MAD1L1: variants seen among roughly 807,000 people sequenced by gnomAD.
The protein encoded by MAD1L1 is mitotic arrest deficient 1 like 1.
In MAD1L1, 95 loss-of-function variants were observed where a neutral mutation model predicts 96.9. The observed-to-expected ratio is 0.98, with a 90% CI of 0.83 to 1.16. The LOEUF is 1.16. Among genes scored for constraint, MAD1L1 ranks in the 50% most tolerant of loss-of-function variants. The pLI is 0.00. For missense variants in MAD1L1, 1,007 were observed against 954.4 expected, an observed-to-expected ratio of 1.06 and a Z score of -0.73; for synonymous variants, 473 against 396.6, an observed-to-expected ratio of 1.19 and a Z score of -2.29.
chr7:2,140,641 C>A (rs533463763), intron 11 of MAD1L1, among the ~76,000 whole-genome samples: 1 of 152,358 alleles, frequency 6.6e-6, no homozygotes, highest in South Asian at 2.1e-4. Context: ...GAGGCCAGGC[C>A]CCCGCCAGGA....
intron 5 of MAD1L1, among the ~76,000 whole-genome samples, chr7:2,221,427 C>T (rs188528178): frequency 6.6e-6 from 1 of 152,300 alleles, no homozygotes; most frequent in African/African-American, 2.4e-5. Flanking sequence ...ACACGCCTCC[C>T]CAGCACGGCC....
chr7:1,963,875 G>A (rs943491452), intron 15 of MAD1L1, among the ~76,000 whole-genome samples: 21 of 152,226 alleles, frequency 1.4e-4, no homozygotes, highest in Non-Finnish European at 2.6e-4. Context: ...CAGTGTCACC[G>A]TCTCTCGGCA....
intron 13 of MAD1L1, among the ~76,000 whole-genome samples, chr7:2,012,185 C>T (rs569790755): frequency 5.9e-5 from 9 of 152,326 alleles, no homozygotes; most frequent in Admixed American, 3.9e-4. Flanking sequence ...GGTGCCCAAA[C>T]AGTGCCAGCA....
intron 10 of MAD1L1, among the ~76,000 whole-genome samples, chr7:2,155,293 A>G (rs1414092229): frequency 6.6e-6 from 1 of 152,198 alleles, no homozygotes; most frequent in Non-Finnish European, 1.5e-5. Flanking sequence ...CCGTGTTGGG[A>G]TGTTTTTAAT....
chr7:1,829,978 T>TC (rs1429945582), intron 18 of MAD1L1, among the ~76,000 whole-genome samples: 1 of 151,942 alleles, frequency 6.6e-6, no homozygotes, highest in Non-Finnish European at 1.5e-5. Flanking sequence ...TGGAAATATC[T>TC]CCCCCCAAAT....
chr7:1,817,976 G>A (rs1474336459), intron 18 of MAD1L1, among the ~76,000 whole-genome samples: 1 of 151,506 alleles, frequency 6.6e-6, no homozygotes, highest in Non-Finnish European at 1.5e-5. Flanking sequence ...AGCCGTCCCC[G>A]TGCCCTCCCC....
chr7:1,996,205 C>T (rs1354294233), intron 14 of MAD1L1, among the ~76,000 whole-genome samples: 13 of 140,168 alleles, frequency 9.3e-5, no homozygotes, highest in Non-Finnish European at 7.8e-5. Context: ...CCCCCCGGGT[C>T]TACACACGGC....
chr7:2,162,015 T>C (rs902173208), intron 10 of MAD1L1, among the ~76,000 whole-genome samples: 1 of 129,212 alleles, frequency 7.7e-6, no homozygotes, highest in Non-Finnish European at 1.6e-5. Flanking sequence ...GGGCGGCCCC[T>C]GCCCATCCAC....
intron 18 of MAD1L1, among the ~76,000 whole-genome samples, chr7:1,874,325 A>G (rs1232195340): frequency 1.3e-5 from 2 of 152,010 alleles, no homozygotes; most frequent in Non-Finnish European, 2.9e-5. Flanking sequence ...CAGAGGACAG[A>G]GGGGGTGACC....
chr7:2,156,387 G>C (rs908590930), intron 10 of MAD1L1, among the ~76,000 whole-genome samples: 1 of 152,204 alleles, frequency 6.6e-6, no homozygotes, highest in Non-Finnish European at 1.5e-5. Context: ...AGTCATCTGA[G>C]GCAACTCCAG....
intron 18 of MAD1L1, among the ~76,000 whole-genome samples, chr7:1,882,436 A>G (rs1785742269): frequency 6.6e-6 from 1 of 152,212 alleles, no homozygotes; most frequent in Non-Finnish European, 1.5e-5. Flanking sequence ...GGAAGGCTTC[A>G]GAAGAGACTG....
chr7:1,973,862 G>A lies in MAD1L1; in HGVS notation c.1505+6591C>T, dbSNP rs138074919. Among the ~76,000 whole-genome samples, 9 of 152,326 alleles carry A rather than the reference G, an allele frequency of 5.9e-5. No individual in the cohort carries two copies. In the East Asian group the frequency reaches 1.7e-3, roughly 29 times the overall value. On this transcript the variant is annotated intron_variant, in intron 15 of 18. Coordinates refer to ENST00000265854, the MANE Select transcript of MAD1L1 (RefSeq NM_001013836.2). ...GAGCTGGGCCTGCCTCTGCTGAATG[G>A]CACCAAGGTCCCTGCCATCAGCCCT...
chr7:2,104,370 G>A (rs994595800), intron 11 of MAD1L1, among the ~76,000 whole-genome samples: 16 of 152,338 alleles, frequency 1.1e-4, no homozygotes, highest in African/African-American at 2.6e-4. Flanking sequence ...GAGCCGTCAC[G>A]GCGGCGCAAT....
intron 10 of MAD1L1, among the ~76,000 whole-genome samples, chr7:2,155,563 A>G (rs1210070784): frequency 6.6e-6 from 1 of 152,178 alleles, no homozygotes; most frequent in African/African-American, 2.4e-5. Context: ...GCCATAGAGC[A>G]TTTCTCTGTG....
At chr7:1,983,152 GCGCACACA>G (rs1209994562) in intron 14 of MAD1L1, among the ~76,000 whole-genome samples, 2,923 of 29,870 alleles carry the variant, frequency 0.098, 55 homozygotes, top group East Asian at 0.25. Flanking sequence ...GCGCGCGCGC[GCGCACACA>G]CACACACACA....
chr7:1,847,623 G>A (rs1040310547), intron 18 of MAD1L1: 2 of 470,914 alleles, frequency 4.2e-6, no homozygotes, highest in Admixed American at 2.3e-5. Context: ...GCCCTGGGCA[G>A]GCCTCGCCCC....
chr7:1,856,649 C>T (rs1230860330), intron 18 of MAD1L1, among the ~76,000 whole-genome samples: 2 of 152,084 alleles, frequency 1.3e-5, no homozygotes, highest in Admixed American at 6.5e-5. Flanking sequence ...GCTCGCGGCT[C>T]CTCCACAAAC....
intron 17 of MAD1L1, among the ~76,000 whole-genome samples, chr7:1,909,713 G>A (rs1368718720): frequency 6.6e-6 from 1 of 152,222 alleles, no homozygotes; most frequent in Non-Finnish European, 1.5e-5. Context: ...AACTGGCTTT[G>A]GCAACAGGAG....
chr7:2,118,681 C>T (rs1787834310), intron 11 of MAD1L1, among the ~76,000 whole-genome samples: 1 of 152,194 alleles, frequency 6.6e-6, no homozygotes, highest in Admixed American at 6.5e-5. Context: ...CCACATACTG[C>T]TGCCCACACA....
Sources: allele counts gnomAD v4.1 joint callset (sites outside exome capture counted in the v4.1 genomes callset), GRCh38; gene constraint gnomAD v4.1.1; transcripts MANE v1.5; gene names NCBI Gene and HGNC (gene_info 2026-07-23, HGNC 2026-07-21).